DRC8: variants seen among roughly 807,000 people sequenced by gnomAD.
DRC8 encodes dynein regulatory complex protein 8.
the DRC8 span, chr1:245,081,939 A>G: frequency 1.6e-6 from 1 of 636,026 alleles, no homozygotes; most frequent in Non-Finnish European, 2.9e-6. Flanking sequence ...AAGATAAAGT[A>G]AAGGACCATC....
At chr1:245,043,452 A>G in the DRC8 span, among the ~76,000 whole-genome samples, 1 of 152,104 alleles carries the variant, frequency 6.6e-6, no homozygotes, top group African/African-American at 2.4e-5. Context: ...AAAAAAAGAA[A>G]GAAAGAAAAA....
chr1:245,016,895 C>T, the DRC8 span, among the ~76,000 whole-genome samples: 993 of 152,250 alleles, frequency 6.5e-3, 9 homozygotes, highest in African/African-American at 0.023. Context: ...ACGACTCTAC[C>T]CAAAGGACTT....
At chr1:245,090,376 A>T in the DRC8 span, among the ~76,000 whole-genome samples, 1 of 152,166 alleles carries the variant, frequency 6.6e-6, no homozygotes, top group African/African-American at 2.4e-5. Flanking sequence ...TTTCGCTTCG[A>T]TGTGTTCTTA....
chr1:245,001,743 T>C, the DRC8 span, among the ~76,000 whole-genome samples: 1 of 152,228 alleles, frequency 6.6e-6, no homozygotes, highest in Non-Finnish European at 1.5e-5. Context: ...TTACAGGCAA[T>C]AAGAACTTAC....
chr1:245,002,008 A>G, the DRC8 span: 1 of 767,392 alleles, frequency 1.3e-6, no homozygotes, highest in Non-Finnish European at 2.2e-6. Flanking sequence ...CCTTTCTCAG[A>G]TTTTGCTTTG....
chr1:245,003,270 G>A, the DRC8 span, among the ~76,000 whole-genome samples: 8 of 152,214 alleles, frequency 5.3e-5, no homozygotes, highest in Middle Eastern at 3.4e-3. Flanking sequence ...GTATCTGTTC[G>A]AGTTCCCACT....
the DRC8 span, among the ~76,000 whole-genome samples, chr1:245,094,258 T>C: frequency 3.9e-5 from 6 of 152,188 alleles, no homozygotes; most frequent in Non-Finnish European, 4.4e-5. Context: ...CTGGTGGAAT[T>C]GTCGGCCCCA....
At chr1:244,990,157 G>C in the DRC8 span, among the ~76,000 whole-genome samples, 1 of 152,288 alleles carries the variant, frequency 6.6e-6, no homozygotes, top group African/African-American at 2.4e-5. Flanking sequence ...ACTGCATCAT[G>C]GTGCTCTGTG....
chr1:245,034,014 G>C, the DRC8 span, among the ~76,000 whole-genome samples: 2 of 152,094 alleles, frequency 1.3e-5, no homozygotes, highest in South Asian at 2.1e-4. Flanking sequence ...AGCCACCACA[G>C]CCGGCATCTT....
the DRC8 span, among the ~76,000 whole-genome samples, chr1:244,987,612 C>G: frequency 6.7e-6 from 1 of 150,196 alleles, no homozygotes; most frequent in Non-Finnish European, 1.5e-5. Context: ...CCTGACCCCC[C>G]CAGCCAAAGG....
chr1:245,080,600 G>A, the DRC8 span, among the ~76,000 whole-genome samples: 1 of 152,106 alleles, frequency 6.6e-6, no homozygotes, highest in South Asian at 2.1e-4. Flanking sequence ...TGAATCCTCT[G>A]TTTTTTCCAT....
chr1:245,093,867 G>A, the DRC8 span, among the ~76,000 whole-genome samples: 2 of 152,084 alleles, frequency 1.3e-5, no homozygotes, highest in African/African-American at 2.4e-5. Context: ...TATCTTGCTG[G>A]CTCCCCCCAC....
At chr1:244,974,970 G>A in the DRC8 span, among the ~76,000 whole-genome samples, 29 of 151,130 alleles carry the variant, frequency 1.9e-4, no homozygotes, top group East Asian at 2.9e-3. Context: ...TCGCTCTGTC[G>A]CCCAGGCTGG....
the DRC8 span, among the ~76,000 whole-genome samples, chr1:245,101,660 C>T: frequency 2.0e-3 from 302 of 152,046 alleles, 1 homozygote; most frequent in African/African-American, 6.8e-3. Context: ...TAACAGCAAC[C>T]AAGTAGTTTT....
chr1:244,971,401 G>T, the DRC8 span, among the ~76,000 whole-genome samples: 2 of 152,236 alleles, frequency 1.3e-5, no homozygotes, highest in Non-Finnish European at 2.9e-5. Context: ...TCGATGTGTT[G>T]TCTGTGCGGA....
the DRC8 span, among the ~76,000 whole-genome samples, chr1:245,008,947 C>CAAA: frequency 1.3e-5 from 2 of 150,568 alleles, no homozygotes; most frequent in Admixed American, 1.3e-4. Flanking sequence ...CCTGGCCTCT[C>CAAA]AAAGTGCTAG....
chr1:245,017,124 T>C, the DRC8 span: 3 of 908,400 alleles, frequency 3.3e-6, no homozygotes, highest in East Asian at 2.7e-5. Context: ...GATACATAAA[T>C]ATAAGGAGAG....
the DRC8 span, among the ~76,000 whole-genome samples, chr1:244,985,592 G>T: frequency 2.6e-5 from 4 of 152,164 alleles, no homozygotes; most frequent in African/African-American, 9.7e-5. Flanking sequence ...GGCCAGGTGT[G>T]GTGGCACACA....
the DRC8 span, chr1:244,970,813 T>G: frequency 1.2e-5 from 4 of 334,854 alleles, no homozygotes; most frequent in African/African-American, 4.5e-5. Flanking sequence ...GGGCCTTGCA[T>G]CCTGCGCGGG....
Sources: gnomAD v4.1 joint callset for allele counts (sites outside exome capture counted in the v4.1 genomes callset) on GRCh38, gnomAD v4.1.1 for gene constraint, MANE v1.5 for transcripts, NCBI Gene and HGNC (gene_info 2026-07-23, HGNC 2026-07-21) for gene names.